IL1RAP: variants seen among roughly 807,000 people sequenced by gnomAD.
The protein encoded by IL1RAP is interleukin-1 receptor accessory protein.
In IL1RAP, 35 loss-of-function variants were observed where a neutral mutation model predicts 60.7. That is an observed-to-expected ratio of 0.58 (90% CI 0.44 to 0.76). IL1RAP has a LOEUF of 0.76. Ranked by LOEUF, IL1RAP falls within the 30% of genes least tolerant of loss-of-function variation. The pLI is 0.00. For missense variants in IL1RAP, 572 were observed against 693.9 expected (o/e 0.82, Z 1.97); for synonymous variants, 268 against 250.9 (o/e 1.07, Z -0.64).
At chr3:190,620,675 A>C (rs1731701816) in intron 6 of IL1RAP, among the ~76,000 whole-genome samples, 1 of 152,172 alleles carries the variant, frequency 6.6e-6, no homozygotes, top group Admixed American at 6.5e-5. Context: ...TAGTTTGGGG[A>C]GGGAAAGGAG....
chr3:190,623,360 A>C lies in IL1RAP; in HGVS notation c.720A>C (p.Ala240=). The stretch of plus-strand genomic sequence containing the variant: ...CTAACACAGGCTCTCCAAAAAATGC[A>C]GTGCCCCCTGTGATCCATTCACCTA... ...TVKVVGSPKN[A]VPPVIHSPND... is the part of the protein sequence containing the mutation. The change falls in exon 7 of 12, where the codon GCA becomes GCC. Residue 240 remains alanine, a synonymous_variant. Transcript: ENST00000447382. 3 of 1,613,402 alleles carry C rather than the reference A, an allele frequency of 1.9e-6. No individual in the cohort carries two copies. Among genetic ancestry groups the C allele is most frequent in the Non-Finnish European group, 2.5e-6 (3 of 1,179,446 alleles).
At chr3:190,566,333 T>G (rs1319083177) in intron 3 of IL1RAP, among the ~76,000 whole-genome samples, 2 of 152,200 alleles carry the variant, frequency 1.3e-5, no homozygotes, top group African/African-American at 4.8e-5. Context: ...TGTGGTTTTA[T>G]GTCCTCCCTC....
intron 1 of IL1RAP, among the ~76,000 whole-genome samples, chr3:190,541,183 G>A (rs547930046): frequency 1.3e-5 from 2 of 152,206 alleles, no homozygotes; most frequent in African/African-American, 4.8e-5. Flanking sequence ...CTGGGAGATA[G>A]GGGTGCTATC....
Position 190,649,039 on chromosome 3 carries a change from C to T in IL1RAP, c.*334C>T, listed in dbSNP as rs1734237039. The T allele has an allele frequency of 5.9e-6, 6 of 1,012,890 alleles. No individual in the cohort carries two copies. The highest frequency in any genetic ancestry group is 7.1e-6 in the Non-Finnish European group (6 of 848,468). 62.7% of individuals were successfully genotyped at this position (1,012,890 alleles called of 1,614,324 possible). A position where few individuals can be genotyped will look rare whatever the true frequency, so the allele number is the denominator to read the frequency against. On this transcript the variant is annotated 3_prime_UTR_variant, in exon 12 of 12. Transcript: ENST00000447382. ...TTAAAATCTTAACATATGGAGCAGC[C>T]TTTCCTATGAATTTAAATATGCCTT...
intron 3 of IL1RAP, among the ~76,000 whole-genome samples, chr3:190,592,240 G>A (rs937264723): frequency 3.9e-5 from 6 of 152,158 alleles, no homozygotes; most frequent in Non-Finnish European, 8.8e-5. Context: ...GACTGGTCTC[G>A]AACTCGACCT....
At chr3:190,592,211 G>C (rs1214708274) in intron 3 of IL1RAP, among the ~76,000 whole-genome samples, 2 of 152,158 alleles carry the variant, frequency 1.3e-5, no homozygotes, top group East Asian at 3.9e-4. Flanking sequence ...GTAGAGACAG[G>C]GTTTCGCCAT....
chr3:190,636,417 T>C (rs377380207), intron 9 of IL1RAP, among the ~76,000 whole-genome samples: 2 of 152,234 alleles, frequency 1.3e-5, no homozygotes, highest in East Asian at 3.8e-4. Flanking sequence ...TTATTTAGGA[T>C]TGACAAGTCT....
chr3:190,577,056 G>A (rs993255079), intron 3 of IL1RAP, among the ~76,000 whole-genome samples: 8 of 143,848 alleles, frequency 5.6e-5, no homozygotes, highest in South Asian at 4.3e-4. Context: ...AGCCGAGATC[G>A]CGCCACCGCA....
chr3:190,656,870 T>A, exon 12 of IL1RAP: 1 of 363,294 alleles, frequency 2.8e-6, no homozygotes, highest in Non-Finnish European at 4.9e-6. Flanking sequence ...AGTCTGATCC[T>A]CTATCTTGTC....
intron 3 of IL1RAP, among the ~76,000 whole-genome samples, chr3:190,599,507 C>A (rs1399049233): frequency 6.6e-6 from 1 of 150,800 alleles, no homozygotes; most frequent in Non-Finnish European, 1.5e-5. Flanking sequence ...TTTTCCTTTC[C>A]TTTCTTACTC....
At chr3:190,592,239 C>T (rs1280213288) in intron 3 of IL1RAP, among the ~76,000 whole-genome samples, 1 of 152,176 alleles carries the variant, frequency 6.6e-6, no homozygotes, top group Non-Finnish European at 1.5e-5. Context: ...AGACTGGTCT[C>T]GAACTCGACC....
chr3:190,614,395 T>G (rs1167453249), intron 5 of IL1RAP, among the ~76,000 whole-genome samples: 1 of 152,052 alleles, frequency 6.6e-6, no homozygotes, highest in Non-Finnish European at 1.5e-5. Flanking sequence ...GCGTGCTGTG[T>G]GCTTTATGTT....
Position 190,645,755 on chromosome 3 carries a change from T to C in IL1RAP, c.1258T>C (p.Phe420Leu). ...TGCAAGGAATGCGGAAGAAGAAGAATTTGTATTACTGACCCTCCGTGGAGT... is the reference window on the plus strand; with the variant it reads ...TGCAAGGAATGCGGAAGAAGAAGAACTTGTATTACTGACCCTCCGTGGAGT... ...SYARNAEEEE[F>L]VLLTLRGVLE... Residue 420 changes from phenylalanine (F) to leucine (L), a missense_variant, in exon 11 of 12, where the codon TTT becomes CTT. Transcript: ENST00000447382. The C allele has an allele frequency of 6.2e-7, 1 of 1,613,064 alleles. No individual in the cohort carries two copies. Among genetic ancestry groups the C allele is most frequent in the Non-Finnish European group, 8.5e-7 (1 of 1,179,076 alleles).
At chr3:190,515,201 C>T (rs1279165427) in intron 1 of IL1RAP, among the ~76,000 whole-genome samples, 1 of 151,054 alleles carries the variant, frequency 6.6e-6, no homozygotes, top group Non-Finnish European at 1.5e-5. Context: ...CTCACCTTTC[C>T]GATACTGGGT....
chr3:190,568,270 T>C (rs1383572223), intron 3 of IL1RAP, among the ~76,000 whole-genome samples: 2 of 152,130 alleles, frequency 1.3e-5, no homozygotes, highest in African/African-American at 2.4e-5. Flanking sequence ...GGCTGGAGAC[T>C]CTTCTACCTG....
intron 3 of IL1RAP, among the ~76,000 whole-genome samples, chr3:190,582,449 G>A (rs6773001): frequency 0.35 from 53,361 of 151,384 alleles, 9,663 homozygotes; most frequent in East Asian, 0.52. Context: ...CCTCACACAT[G>A]GCTGGGATTA....
At chr3:190,544,166 G>C (rs1441025894) in intron 1 of IL1RAP, among the ~76,000 whole-genome samples, 1 of 152,134 alleles carries the variant, frequency 6.6e-6, no homozygotes, top group Non-Finnish European at 1.5e-5. Context: ...AGGTCACACA[G>C]GTGAAAGGGT....
chr3:190,526,044 T>G (rs1180492114), intron 1 of IL1RAP, among the ~76,000 whole-genome samples: 1 of 152,204 alleles, frequency 6.6e-6, no homozygotes, highest in Non-Finnish European at 1.5e-5. Flanking sequence ...ATTTAAATGG[T>G]ACCTAACTCT....
At chr3:190,552,837 A>C (rs533129610) in intron 1 of IL1RAP, among the ~76,000 whole-genome samples, 25 of 152,386 alleles carry the variant, frequency 1.6e-4, no homozygotes, top group Non-Finnish European at 3.5e-4. Flanking sequence ...CAGAAAAACA[A>C]GGTCCAAGAA....
Sources: gnomAD v4.1 joint callset for allele counts (sites outside exome capture counted in the v4.1 genomes callset) on GRCh38, gnomAD v4.1.1 for gene constraint, MANE v1.5 for transcripts, NCBI Gene and HGNC (gene_info 2026-07-23, HGNC 2026-07-21) for gene names.